CAMKMT: variants seen among roughly 807,000 people sequenced by gnomAD.
CAMKMT encodes CaM KMT.
A neutral mutation model predicts 48.0 loss-of-function variants in CAMKMT; 53 were observed. The observed-to-expected ratio is 1.10, with a 90% CI of 0.89 to 1.39. CAMKMT has a LOEUF of 1.39. Ranked by LOEUF, CAMKMT falls within the 40% of genes most tolerant of loss-of-function variation. CAMKMT has a pLI of 0.00. For missense variants in CAMKMT, 428 were observed against 402.7 expected (o/e 1.06, Z -0.54); for synonymous variants, 165 against 152.3 (o/e 1.08, Z -0.61).
intron 3 of CAMKMT, among the ~76,000 whole-genome samples, chr2:44,616,994 G>T (rs1312745911): frequency 6.6e-6 from 1 of 152,204 alleles, no homozygotes; most frequent in Non-Finnish European, 1.5e-5. Flanking sequence ...GAAATTATTA[G>T]GGGCTGTTGG....
chr2:44,372,401 C>A (rs1214207549), intron 1 of CAMKMT, among the ~76,000 whole-genome samples: 1 of 151,632 alleles, frequency 6.6e-6, no homozygotes, highest in East Asian at 1.9e-4. Flanking sequence ...AGGAGGATCG[C>A]CTGAACCCAG....
intron 3 of CAMKMT, among the ~76,000 whole-genome samples, chr2:44,686,019 G>C (rs1676313287): frequency 6.6e-6 from 1 of 152,126 alleles, no homozygotes; most frequent in Admixed American, 6.5e-5. Context: ...ATAGATGATA[G>C]TATTGTCCTT....
intron 3 of CAMKMT, among the ~76,000 whole-genome samples, chr2:44,414,931 G>A (rs564317454): frequency 3.9e-5 from 6 of 152,164 alleles, no homozygotes; most frequent in Admixed American, 2.0e-4. Context: ...CGAGGCGGGC[G>A]GATCACGAGG....
chr2:44,539,029 C>T (rs368833193), intron 3 of CAMKMT, among the ~76,000 whole-genome samples: 4 of 150,430 alleles, frequency 2.7e-5, no homozygotes, highest in Non-Finnish European at 5.9e-5. Flanking sequence ...CTCGGCTAGG[C>T]GCAGTGGCTC....
intron 3 of CAMKMT, among the ~76,000 whole-genome samples, chr2:44,599,263 A>C (rs1351806827): frequency 6.6e-6 from 1 of 152,148 alleles, no homozygotes; most frequent in East Asian, 1.9e-4. Flanking sequence ...TTATAAATAG[A>C]AAGTGACACT....
At chr2:44,635,279 C>G (rs755530687) in intron 3 of CAMKMT, among the ~76,000 whole-genome samples, 5 of 152,140 alleles carry the variant, frequency 3.3e-5, no homozygotes, top group Non-Finnish European at 7.3e-5. Flanking sequence ...AGATTGTAAG[C>G]TACCTTAATT....
intron 3 of CAMKMT, among the ~76,000 whole-genome samples, chr2:44,540,357 G>C (rs1195036289): frequency 2.0e-5 from 3 of 152,048 alleles, no homozygotes; most frequent in Admixed American, 6.6e-5. Context: ...TAATACAACA[G>C]TGTGTTCCAG....
intron 3 of CAMKMT, among the ~76,000 whole-genome samples, chr2:44,434,778 C>T (rs1271262603): frequency 1.3e-5 from 2 of 152,138 alleles, no homozygotes; most frequent in African/African-American, 4.8e-5. Flanking sequence ...AGCTCTCCTC[C>T]CATTTTTAGA....
intron 3 of CAMKMT, among the ~76,000 whole-genome samples, chr2:44,595,405 A>G (rs1670592781): frequency 1.3e-5 from 2 of 152,176 alleles, no homozygotes; most frequent in African/African-American, 2.4e-5. Flanking sequence ...ATGCCTGGCA[A>G]TTGCTACAAA....
chr2:44,535,987 A>T (rs1666751378), intron 3 of CAMKMT, among the ~76,000 whole-genome samples: 1 of 152,136 alleles, frequency 6.6e-6, no homozygotes, highest in African/African-American at 2.4e-5. Flanking sequence ...CCACCAAAAA[A>T]CTCATTAAAC....
chr2:44,585,275 A>C lies in CAMKMT; in HGVS notation c.377-119008A>C, dbSNP rs140621536. ...CACTGTCTTGGCTTTGCAAAGAGCA[A>C]ATTGTACCAGATCGATTTAATTTCC... is the stretch of plus-strand genomic sequence containing the variant. On this transcript the variant is annotated intron_variant, in intron 3 of 10. Coordinates refer to ENST00000378494, the MANE Select transcript of CAMKMT (RefSeq NM_024766.5). 2.6e-4 allele frequency among the ~76,000 whole-genome samples: 40 copies of C among 152,326 alleles called. No individual in the cohort carries two copies. In the East Asian group the frequency reaches 7.7e-3, roughly 29 times the overall value.
At chr2:44,476,113 C>A (rs1176211285) in intron 3 of CAMKMT, among the ~76,000 whole-genome samples, 1 of 152,040 alleles carries the variant, frequency 6.6e-6, no homozygotes, top group African/African-American at 2.4e-5. Flanking sequence ...ATCTAAAATG[C>A]CTTTTGTCCT....
chr2:44,440,515 A>G (rs1184810957), intron 3 of CAMKMT, among the ~76,000 whole-genome samples: 1 of 152,162 alleles, frequency 6.6e-6, no homozygotes, highest in African/African-American at 2.4e-5. Context: ...AAGCTGCACT[A>G]TCCAATATGG....
chr2:44,372,603 C>A, intron 1 of CAMKMT, 113 bp from the exon 2 acceptor site: 3 of 768,976 alleles, frequency 3.9e-6, no homozygotes, highest in Non-Finnish European at 6.2e-6. Context: ...ATTATCTAAT[C>A]TGTCATTATT....
chr2:44,483,956 T>G (rs1293467396), intron 3 of CAMKMT, among the ~76,000 whole-genome samples: 6 of 152,194 alleles, frequency 3.9e-5, no homozygotes. Context: ...TATGTTTTCT[T>G]GCAAAATCTC....
At chr2:44,610,551 G>T (rs1452912798) in intron 3 of CAMKMT, among the ~76,000 whole-genome samples, 1 of 152,132 alleles carries the variant, frequency 6.6e-6, no homozygotes, top group Non-Finnish European at 1.5e-5. Flanking sequence ...AAAACTGTCA[G>T]TATGACCAAA....
chr2:44,565,719 C>A lies in CAMKMT; in HGVS notation c.377-138564C>A, dbSNP rs533407592. ...GGAATTAAAAAAACAAAAAAAAAAA[C>A]AAAACTCCCCAGGTGATTTTATGTG... is the stretch of plus-strand genomic sequence containing the variant. On this transcript the variant is annotated intron_variant, in intron 3 of 10. Coordinates refer to ENST00000378494, the MANE Select transcript of CAMKMT (RefSeq NM_024766.5). 2.7e-3 allele frequency among the ~76,000 whole-genome samples: 404 copies of A among 149,542 alleles called. 2 individuals are homozygous for A. In the Middle Eastern group the frequency reaches 0.028, roughly 10 times the overall value.
At chr2:44,743,321 T>C (rs994615290) in intron 7 of CAMKMT, among the ~76,000 whole-genome samples, 3 of 152,202 alleles carry the variant, frequency 2.0e-5, no homozygotes, top group Non-Finnish European at 4.4e-5. Context: ...GTTAAGGGTC[T>C]AGAATCATTA....
At chr2:44,522,869 C>T (rs542663303) in intron 3 of CAMKMT, among the ~76,000 whole-genome samples, 34 of 152,318 alleles carry the variant, frequency 2.2e-4, no homozygotes, top group African/African-American at 7.9e-4. Context: ...AGCCAGGTAG[C>T]ACTTCCAGTG....
Sources: allele counts gnomAD v4.1 joint callset (sites outside exome capture counted in the v4.1 genomes callset), GRCh38; gene constraint gnomAD v4.1.1; transcripts MANE v1.5; gene names NCBI Gene and HGNC (gene_info 2026-07-23, HGNC 2026-07-21).